GLT8D2: variants seen among roughly 807,000 people sequenced by gnomAD.
GLT8D2 encodes glycosyltransferase 8 domain containing 2.
GLT8D2 carries 45 observed loss-of-function variants against 44.5 expected under a neutral mutation model. The observed-to-expected ratio is 1.01, with a 90% confidence interval of 0.80 to 1.30. GLT8D2 has a LOEUF of 1.30. Among genes scored for constraint, GLT8D2 ranks in the 50% most tolerant of loss-of-function variants. The probability of loss-of-function intolerance (pLI) is 0.00; values close to 1 mark genes in which losing one functional copy is unlikely to be tolerated. For missense variants in GLT8D2, 400 were observed against 430.4 expected, an observed-to-expected ratio of 0.93 and a Z score of 0.62; for synonymous variants, 156 against 157.2, an observed-to-expected ratio of 0.99 and a Z score of 0.06.
intron 3 of GLT8D2, 57 bp downstream of exon 3, chr12:104,019,573 A>T: frequency 7.0e-7 from 1 of 1,418,746 alleles, no homozygotes; most frequent in Non-Finnish European, 9.8e-7. Flanking sequence ...CCCCAGCCTC[A>T]AAACCATCCT....
intron 3 of GLT8D2, among the ~76,000 whole-genome samples, chr12:104,015,452 G>A (rs1250067710): frequency 6.9e-6 from 1 of 144,108 alleles, no homozygotes; most frequent in African/African-American, 2.5e-5. Flanking sequence ...GCTGGGCGTG[G>A]TGGCATGCAC....
In GLT8D2 at chr12:103,989,319, G is replaced by T; in HGVS notation, c.*89C>A. On this transcript the variant is annotated 3_prime_UTR_variant, in exon 11 of 11. Transcript: ENST00000360814. Reference sequence around the variant, plus strand: ...ATATTGTGGATCATATGTATCAAAGGTAATATTCATAAAGAACAATGTTAT... The same window carrying T: ...ATATTGTGGATCATATGTATCAAAGTTAATATTCATAAAGAACAATGTTAT... 1 of 1,133,810 alleles carries T rather than the reference G, an allele frequency of 8.8e-7. No individual in the cohort carries two copies. The highest frequency in any genetic ancestry group is 1.2e-6 in the Non-Finnish European group (1 of 803,872). 70.2% of individuals were successfully genotyped at this position (1,133,810 alleles called of 1,614,324 possible). A position where few individuals can be genotyped will look rare whatever the true frequency, so the allele number is the denominator to read the frequency against.
chr12:103,991,551 T>A (rs2254063), intron 10 of GLT8D2, among the ~76,000 whole-genome samples: 24,516 of 152,114 alleles, frequency 0.16, 2,127 homozygotes, highest in Admixed American at 0.22. Context: ...TGCCGTAACC[T>A]TATTGATCTA....
At chr12:104,015,880 G>A (rs576898329) in intron 3 of GLT8D2, among the ~76,000 whole-genome samples, 19 of 152,080 alleles carry the variant, frequency 1.2e-4, no homozygotes, top group Non-Finnish European at 1.9e-4. Context: ...GTGCATGCCT[G>A]TAATCCCAGC....
chr12:104,034,143 C>T (rs936490542), intron 1 of GLT8D2, among the ~76,000 whole-genome samples: 8 of 152,174 alleles, frequency 5.3e-5, no homozygotes, highest in African/African-American at 1.9e-4. Flanking sequence ...TGCTTACTTC[C>T]TTAAAAATTA....
chr12:103,997,858 C>T (rs1873662088), intron 6 of GLT8D2, among the ~76,000 whole-genome samples: 1 of 151,504 alleles, frequency 6.6e-6, no homozygotes, highest in Non-Finnish European at 1.5e-5. Context: ...GCACAAATCG[C>T]CTGCCTTTCT....
rs950468693 is a variant in GLT8D2, at chr12:104,021,914, A to G, written c.-163-423T>C. On this transcript the variant is annotated intron_variant, in intron 1 of 10. Coordinates refer to ENST00000360814, the MANE Select transcript of GLT8D2 (RefSeq NM_001384711.1). ...AAGAAGAAGAAGAAGAAGAAGAAGA[A>G]GAAGAAGAAGAAGAAGAAGAAGAAG... 7.2e-3 allele frequency among the ~76,000 whole-genome samples: 124 copies of G among 17,216 alleles called. 1 individual carries two copies. In the East Asian group the frequency reaches 0.24, roughly 33 times the overall value. 11.3% of individuals were successfully genotyped at this position (17,216 alleles called of 152,430 possible).
At chr12:104,049,700 G>T (rs140113488) in intron 1 of GLT8D2, among the ~76,000 whole-genome samples, 195 bp downstream of exon 1, 26 of 152,318 alleles carry the variant, frequency 1.7e-4, no homozygotes, top group South Asian at 4.1e-4. Flanking sequence ...CACTGGATTT[G>T]CTGGAAATGG....
intron 4 of GLT8D2, among the ~76,000 whole-genome samples, chr12:104,013,708 GA>G (rs907001897): frequency 2.4e-4 from 35 of 144,576 alleles, no homozygotes; most frequent in Non-Finnish European, 4.7e-4. Context: ...GTGTCTGACT[GA>G]AAAAAAAAAC....
chr12:104,034,737 GA>G (rs1879738799), intron 1 of GLT8D2, among the ~76,000 whole-genome samples: 1 of 152,256 alleles, frequency 6.6e-6, no homozygotes, highest in Admixed American at 6.5e-5. Context: ...AAAGGCAGCA[GA>G]AACTTCTGCA....
chr12:104,011,526 C>T (rs1920414), intron 4 of GLT8D2, among the ~76,000 whole-genome samples: 151,433 of 152,296 alleles, frequency 0.99, 75,288 homozygotes, highest in Middle Eastern at 1. Flanking sequence ...GGGACAGCTG[C>T]GAGTGACCAG....
chr12:104,028,811 T>C (rs1878883768), intron 1 of GLT8D2, among the ~76,000 whole-genome samples: 1 of 152,054 alleles, frequency 6.6e-6, no homozygotes, highest in African/African-American at 2.4e-5. Flanking sequence ...GTGACAAATA[T>C]CAATATGTTC....
chr12:104,009,849 T>G (rs1875587411), intron 4 of GLT8D2, among the ~76,000 whole-genome samples: 1 of 152,190 alleles, frequency 6.6e-6, no homozygotes, highest in Admixed American at 6.5e-5. Context: ...CTCATTTTCT[T>G]TTGCTGCTGC....
chr12:104,041,484 G>A (rs1053933084), intron 1 of GLT8D2, among the ~76,000 whole-genome samples: 1 of 152,228 alleles, frequency 6.6e-6, no homozygotes, highest in Non-Finnish European at 1.5e-5. Flanking sequence ...GCTGAGACAG[G>A]GGAATTGCTT....
intron 1 of GLT8D2, among the ~76,000 whole-genome samples, chr12:104,034,774 T>A (rs1879742209): frequency 6.6e-6 from 1 of 152,204 alleles, no homozygotes; most frequent in South Asian, 2.1e-4. Context: ...GTCTGACAGC[T>A]CTGAAGAGAG....
intron 2 of GLT8D2, 112 bp from the exon 3 acceptor site, chr12:104,019,788 A>G (rs1418312430): frequency 1.6e-6 from 1 of 612,330 alleles, no homozygotes; most frequent in East Asian, 3.2e-5. Flanking sequence ...GAAGTGTGTG[A>G]TCATTTTTTA....
chr12:104,006,672 A>G (rs1566194961), intron 4 of GLT8D2, among the ~76,000 whole-genome samples: 1 of 152,210 alleles, frequency 6.6e-6, no homozygotes, highest in East Asian at 1.9e-4. Flanking sequence ...CAGCACAGGG[A>G]GACAGATTTG....
At chr12:104,019,118 C>CTTTTTTTTTTTTTTTTTT (rs11291563) in intron 3 of GLT8D2, among the ~76,000 whole-genome samples, 1 of 116,464 alleles carries the variant, frequency 8.6e-6, no homozygotes. Context: ...ACTTCTTCTT[C>CTTTTTTTTTTTTTTTTTT]TTTTTTTTTT....
chr12:104,023,912 A>G (rs747617766), intron 1 of GLT8D2, among the ~76,000 whole-genome samples: 6 of 152,192 alleles, frequency 3.9e-5, no homozygotes, highest in Non-Finnish European at 7.3e-5. Context: ...GAATGGATAT[A>G]CCACAGTTTA....
Sources: gnomAD v4.1 joint callset for allele counts (sites outside exome capture counted in the v4.1 genomes callset) on GRCh38, gnomAD v4.1.1 for gene constraint, MANE v1.5 for transcripts, NCBI Gene and HGNC (gene_info 2026-07-23, HGNC 2026-07-21) for gene names.